PHKA2: variants seen among roughly 807,000 people sequenced by gnomAD.
The protein encoded by PHKA2 is phosphorylase kinase regulatory subunit alpha 2.
PHKA2 carries 31 observed loss-of-function variants against 102.0 expected under a neutral mutation model. The ratio of observed to expected loss-of-function variants is 0.30; its 90% confidence interval spans 0.23 to 0.41. PHKA2 has a LOEUF of 0.41. Ranked by LOEUF, PHKA2 falls within the 10% of genes least tolerant of loss-of-function variation. The pLI is 1.00. For missense variants in PHKA2, 858 were observed against 1,023.1 expected (o/e 0.84, Z 2.20); for synonymous variants, 455 against 416.2 (o/e 1.09, Z -1.13).
At chrX:18,896,879 G>A (rs779873165) in intron 30 of PHKA2, among the ~76,000 whole-genome samples, 2 of 112,041 alleles carry the variant, frequency 1.8e-5, no homozygotes, top group African/African-American at 3.2e-5. Flanking sequence ...TGCCTCCCAC[G>A]GGATGTTTGA....
In PHKA2 at chrX:18,951,418, C is replaced by T. The variant is rs952575; in HGVS notation, c.286-146G>A. On this transcript the variant is annotated intron_variant, in intron 3 of 32. Transcript: ENST00000379942. ...ATGGAAGGCAGCTGCTAGGCAGCAC[C>T]GCACAGAGGGACTGTGCTGGGGATT... 2,087 of 587,592 alleles carry T rather than the reference C, an allele frequency of 3.6e-3. 3 individuals carry two copies. The highest frequency in any genetic ancestry group is 5.0e-3 in the Non-Finnish European group (1,761 of 349,151). 48.4% of individuals were successfully genotyped at this position (587,592 alleles called of 1,213,427 possible).
chrX:18,945,014 T>C, intron 6 of PHKA2, 64 bp downstream of exon 6: 3 of 726,438 alleles, frequency 4.1e-6, no homozygotes, highest in Admixed American at 4.4e-5. Context: ...AAACTCCTGA[T>C]GAAGGGAACC....
intron 32 of PHKA2, 58 bp downstream of exon 32, chrX:18,894,146 G>C (rs1468105967): frequency 4.8e-6 from 5 of 1,032,663 alleles, no homozygotes; most frequent in African/African-American, 1.8e-5. Flanking sequence ...ATTGGACACA[G>C]AATCTCCAGC....
At chrX:18,905,160 G>A (rs1052524271) in intron 26 of PHKA2, among the ~76,000 whole-genome samples, 28 of 111,367 alleles carry the variant, frequency 2.5e-4, no homozygotes, top group Non-Finnish European at 3.8e-4. Context: ...CCTGGCATTC[G>A]GGGTCCCCCA....
intron 1 of PHKA2, among the ~76,000 whole-genome samples, chrX:18,956,211 C>A: frequency 9.0e-6 from 1 of 111,393 alleles, no homozygotes; most frequent in Non-Finnish European, 1.9e-5. Flanking sequence ...ATAGTCCCAG[C>A]TACTTGGGAG....
At chrX:18,968,504 T>C (rs2048975428) in intron 1 of PHKA2, among the ~76,000 whole-genome samples, 1 of 110,566 alleles carries the variant, frequency 9.0e-6, no homozygotes, top group Non-Finnish European at 1.9e-5. Flanking sequence ...GGACGGTTTC[T>C]TAAACGCCAG....
At chrX:18,903,872 G>A (rs953082347) in intron 26 of PHKA2, among the ~76,000 whole-genome samples, 3 of 112,110 alleles carry the variant, frequency 2.7e-5, no homozygotes, top group Non-Finnish European at 5.6e-5. Context: ...CCCAGGTCTA[G>A]CTGTCTTCAG....
chrX:18,906,563 A>C lies in PHKA2; in HGVS notation c.2738T>G (p.Leu913Arg). 8.3e-7 allele frequency: 1 copy of C among 1,206,529 alleles called. No individual in the cohort carries two copies. Among genetic ancestry groups the C allele is most frequent in the Non-Finnish European group, 1.1e-6 (1 of 890,254 alleles). Residue 913 changes from leucine to arginine, a missense_variant, in exon 25 of 33, where the codon CTG (leucine) becomes CGG (arginine). By Grantham distance (102) the Leu-to-Arg change is moderately radical. Transcript: ENST00000379942. ...AATGATCAGTCCAATCCGGAGTCTC[A>C]GCATCTCCACAAAGAGGCTGGGCTG... ...RAQPSLFVEMLRLRIGLIIQV... is the reference protein window; with the variant it reads ...RAQPSLFVEMRRLRIGLIIQV...
chrX:18,973,285 G>A (rs1417325007), intron 1 of PHKA2, among the ~76,000 whole-genome samples: 8 of 112,160 alleles, frequency 7.1e-5, no homozygotes, highest in African/African-American at 2.6e-4. Flanking sequence ...GATTACAGGT[G>A]TGAGCCACCG....
chrX:18,899,322 A>G lies in PHKA2; in HGVS notation c.3058-96T>C. ...GGAGCAGCATCCGAAACACCCACAG[A>G]AAGCAGCAGCAGAGAATGCGGGCGC... is the stretch of plus-strand genomic sequence containing the variant. On this transcript the variant is annotated intron_variant, in intron 28 of 32. Coordinates refer to ENST00000379942, the MANE Select transcript of PHKA2 (RefSeq NM_000292.3). 4 of 734,418 alleles carry G rather than the reference A, an allele frequency of 5.4e-6. No homozygotes were observed. The Admixed American group carries it at 7.1e-5, about 13-fold the overall frequency. 60.5% of individuals were successfully genotyped at this position (734,418 alleles called of 1,213,427 possible).
intron 28 of PHKA2, among the ~76,000 whole-genome samples, 157 bp downstream of exon 28, chrX:18,900,513 C>T (rs1005812536): frequency 9.0e-6 from 1 of 111,507 alleles, no homozygotes; most frequent in African/African-American, 3.3e-5. Context: ...GGTCGTCTCT[C>T]CTGCCCTCGA....
Position 18,907,024 on chromosome X carries a change from A to G in PHKA2, c.2591T>C (p.Ile864Thr). 8.4e-7 allele frequency: 1 copy of G among 1,194,599 alleles called. No homozygotes were observed. The highest frequency in any genetic ancestry group is 1.1e-6 in the Non-Finnish European group (1 of 886,621). Residue 864 changes from isoleucine to threonine, a missense_variant, in exon 23 of 33, where the codon ATC becomes ACC. By Grantham distance (89) the Ile-to-Thr change is moderately conservative. Transcript: ENST00000379942. ...GLPPEPREKIISAPLPPEELT... is the reference protein window; with the variant it reads ...GLPPEPREKITSAPLPPEELT... The stretch of plus-strand genomic sequence containing the variant: ...CCCAAGGCTGAGGACTTACGCAGAG[A>G]TGATCTTCTCCCGGGGCTCGGGCGG...
At chrX:18,925,545 ATCATT>A in intron 15 of PHKA2, 118 bp downstream of exon 15, 3 of 538,145 alleles carry the variant, frequency 5.6e-6, no homozygotes, top group Non-Finnish European at 1.0e-5. Flanking sequence ...GGCTCTTGGT[ATCATT>A]TCATATGTCT....
At chrX:18,929,453 G>C in intron 12 of PHKA2, 147 bp from the exon 13 acceptor site, 2 of 499,643 alleles carry the variant, frequency 4.0e-6, no homozygotes, top group Non-Finnish European at 7.1e-6. Flanking sequence ...TATTTTCTGT[G>C]AAACAGAGTA....
rs775954610 is a variant in PHKA2 at position 18,897,256 on chromosome X, C to A, written c.3189G>T (p.Arg1063=). 85 of 1,209,406 alleles carry A rather than the reference C, an allele frequency of 7.0e-5. No individual in the cohort carries two copies. In the South Asian group the frequency reaches 8.3e-4, roughly 12 times the overall value. ...SGGHHIGWGE[R]QGQWLRRRRL... ...TTCTCCTGCGCAGCCACTGGCCCTG[C>A]CGCTCACCCCAGCCGATGTGATGTC... The change falls in exon 30 of 33, where the codon CGG becomes CGT. Residue 1063 remains arginine (R), a synonymous_variant. Coordinates refer to ENST00000379942, the MANE Select transcript of PHKA2 (RefSeq NM_000292.3).
At chrX:18,966,780 C>T in intron 1 of PHKA2, among the ~76,000 whole-genome samples, 1 of 111,978 alleles carries the variant, frequency 8.9e-6, no homozygotes, top group Non-Finnish European at 1.9e-5. Context: ...AATGTCACCT[C>T]TGCCCCAATT....
chrX:18,952,618 T>A (rs2048717259), intron 2 of PHKA2, 77 bp from the exon 3 acceptor site: 1 of 1,033,459 alleles, frequency 9.7e-7, no homozygotes, highest in African/African-American at 1.9e-5. Context: ...TCACTGTGGC[T>A]GGCAAGCCAG....
chrX:18,902,375 G>A (rs1004249135), intron 26 of PHKA2, among the ~76,000 whole-genome samples: 12 of 108,346 alleles, frequency 1.1e-4, no homozygotes, highest in African/African-American at 2.7e-4. Context: ...GGGCTCAAGC[G>A]ATCTGCCCGC....
At chrX:18,894,035 G>T (rs1359507647) in intron 32 of PHKA2, 169 bp downstream of exon 32, 1 of 513,734 alleles carries the variant, frequency 1.9e-6, no homozygotes, top group Non-Finnish European at 3.4e-6. Context: ...AAGGTCTTGA[G>T]ATTTCCCAAG....
Sources: allele counts gnomAD v4.1 joint callset (sites outside exome capture counted in the v4.1 genomes callset), GRCh38; gene constraint gnomAD v4.1.1; transcripts MANE v1.5; gene names NCBI Gene and HGNC (gene_info 2026-07-23, HGNC 2026-07-21).